Variants in LRRC8D observed in about 807,000 individuals in gnomAD.
LRRC8D encodes leucine rich repeat containing 8 VRAC subunit D, also known as volume-regulated anion channel subunit LRRC8D.
LRRC8D carries 20 observed loss-of-function variants against 55.8 expected under a neutral mutation model. The ratio of observed to expected loss-of-function variants is 0.36; its 90% CI spans 0.25 to 0.52. LRRC8D has a LOEUF of 0.52. Ranked by LOEUF, LRRC8D falls within the 20% of genes least tolerant of loss-of-function variation. The probability of loss-of-function intolerance (pLI) is 0.93; values close to 1 mark genes in which losing one functional copy is unlikely to be tolerated. For synonymous variants in LRRC8D, 352 were observed against 377.0 expected (o/e 0.93, Z 0.77); for missense variants, 651 against 1,030.8 (o/e 0.63, Z 5.05).
At chr1:89,924,647 GAC>G (rs1663509952) in intron 2 of LRRC8D, among the ~76,000 whole-genome samples, 2 of 152,064 alleles carry the variant, frequency 1.3e-5, no homozygotes, top group Non-Finnish European at 2.9e-5. Flanking sequence ...CAATAGCAAA[GAC>G]ATGTAATCAA....
At chr1:89,903,422 T>G (rs1362568197) in intron 2 of LRRC8D, among the ~76,000 whole-genome samples, 3 of 152,230 alleles carry the variant, frequency 2.0e-5, no homozygotes. Context: ...TTTTTTTGTT[T>G]ACCTAGTATG....
intron 2 of LRRC8D, among the ~76,000 whole-genome samples, chr1:89,873,964 C>A (rs1279463832): frequency 6.6e-6 from 1 of 152,118 alleles, no homozygotes; most frequent in Non-Finnish European, 1.5e-5. Flanking sequence ...GTTCATAGAT[C>A]TAAGCCAGAC....
chr1:89,873,450 G>T (rs1003322319), intron 2 of LRRC8D, among the ~76,000 whole-genome samples: 1 of 152,174 alleles, frequency 6.6e-6, no homozygotes, highest in Non-Finnish European at 1.5e-5. Context: ...CCAGCTGGAG[G>T]CAGCAAATGA....
chr1:89,872,401 G>A (rs1013494382), intron 2 of LRRC8D, among the ~76,000 whole-genome samples: 1 of 152,250 alleles, frequency 6.6e-6, no homozygotes, highest in African/African-American at 2.4e-5. Context: ...TTGGTTAGCT[G>A]TTGGTGCTTT....
intron 1 of LRRC8D, among the ~76,000 whole-genome samples, chr1:89,834,884 G>A (rs1410817609): frequency 6.6e-6 from 1 of 152,184 alleles, no homozygotes; most frequent in East Asian, 1.9e-4. Context: ...GAGGGATGGA[G>A]GAGGAAAGGA....
chr1:89,860,286 C>G lies in LRRC8D; in HGVS notation c.-3+16504C>G, dbSNP rs78606802. ...TTTCTGATCTCTCTCAGATCAATAGCATTTTAAACTAAATCTTTTATGCGA... is the reference window on the plus strand; with the variant it reads ...TTTCTGATCTCTCTCAGATCAATAGGATTTTAAACTAAATCTTTTATGCGA... On this transcript the variant is annotated intron_variant, in intron 2 of 2. Coordinates refer to ENST00000337338, the MANE Select transcript of LRRC8D (RefSeq NM_001134479.2). Among the ~76,000 whole-genome samples, 177 of 152,290 alleles carry G rather than the reference C, an allele frequency of 1.2e-3. No individual in the cohort carries two copies. In the East Asian group the frequency reaches 0.024, roughly 20 times the overall value.
At chr1:89,892,117 T>G (rs1052009544) in intron 2 of LRRC8D, among the ~76,000 whole-genome samples, 2 of 152,240 alleles carry the variant, frequency 1.3e-5, no homozygotes, top group African/African-American at 4.8e-5. Context: ...AATTGTTCTT[T>G]AGTGGTCAAG....
chr1:89,838,407 A>G (rs748531191), intron 1 of LRRC8D, among the ~76,000 whole-genome samples: 5 of 152,142 alleles, frequency 3.3e-5, no homozygotes, highest in Non-Finnish European at 5.9e-5. Flanking sequence ...AGATTGCCCA[A>G]AGAGAATTAA....
chr1:89,842,831 A>G (rs1177263504), intron 1 of LRRC8D, among the ~76,000 whole-genome samples: 1 of 152,242 alleles, frequency 6.6e-6, no homozygotes, highest in African/African-American at 2.4e-5. Context: ...ATTACATAGC[A>G]CAGAGAACTA....
intron 2 of LRRC8D, among the ~76,000 whole-genome samples, chr1:89,858,057 C>G (rs892275653): frequency 6.6e-6 from 1 of 151,990 alleles, no homozygotes; most frequent in African/African-American, 2.4e-5. Context: ...GGTGAAACCC[C>G]GTCTCTACTA....
At chr1:89,838,089 G>T (rs558693347) in intron 1 of LRRC8D, among the ~76,000 whole-genome samples, 3 of 152,100 alleles carry the variant, frequency 2.0e-5, no homozygotes, top group African/African-American at 7.2e-5. Flanking sequence ...GCCAGGCGTG[G>T]TGGCTCACGC....
chr1:89,877,323 T>C lies in LRRC8D; in HGVS notation c.-3+33541T>C, dbSNP rs1315087647. ...GCTTTTTGACCTTGGTCAAGTTACT[T>C]AGCTTCTCTCTGCCTCAATTTCCTC... is the stretch of plus-strand genomic sequence containing the variant. On this transcript the variant is annotated intron_variant, in intron 2 of 2. Coordinates refer to ENST00000337338, the MANE Select transcript of LRRC8D (RefSeq NM_001134479.2). 2.0e-5 allele frequency among the ~76,000 whole-genome samples: 3 copies of C among 152,308 alleles called. No individual in the cohort carries two copies. The East Asian group carries it at 5.8e-4, about 29-fold the overall frequency.
In LRRC8D at chr1:89,871,722, T is replaced by A. The variant is rs144925688; in HGVS notation, c.-3+27940T>A. Among the ~76,000 whole-genome samples, 5 of 152,368 alleles carry A rather than the reference T, an allele frequency of 3.3e-5. No homozygotes were observed. In the East Asian group the frequency reaches 9.6e-4, roughly 29 times the overall value. ...CTTCATTATAAAACTGTTCGGTGAT[T>A]TACAATTTGAAAATATTGGCAACCC... On this transcript the variant is annotated intron_variant, in intron 2 of 2. Coordinates refer to ENST00000337338, the MANE Select transcript of LRRC8D (RefSeq NM_001134479.2).
chr1:89,876,882 A>C (rs1209040767), intron 2 of LRRC8D, among the ~76,000 whole-genome samples: 1 of 152,238 alleles, frequency 6.6e-6, no homozygotes, highest in African/African-American at 2.4e-5. Flanking sequence ...AAGATTGAAA[A>C]GTTTCTATCT....
In LRRC8D at chr1:89,907,183, CTTTTTTTT is replaced by C. The variant is rs71584958; in HGVS notation, c.-2-25865_-2-25858del. Among the ~76,000 whole-genome samples the C allele has an allele frequency of 2.7e-4, 19 of 69,814 alleles. 1 individual carries two copies. Among genetic ancestry groups the C allele is most frequent in the Middle Eastern group, 0.023 (2 of 86 alleles). The allele number at this position is 69,814 out of a possible 152,430, so 45.8% of individuals were successfully genotyped here. ...TTGGGCTTCCTGTCTTCCACTGTGT[CTTTTTTTT>C]TTTTTTTTTTTTTTTTTTGATACTG... On this transcript the variant is annotated intron_variant, in intron 2 of 2. Coordinates refer to ENST00000337338, the MANE Select transcript of LRRC8D (RefSeq NM_001134479.2).
Position 89,935,846 on chromosome 1 carries a change from A to T in LRRC8D, c.*201A>T, listed in dbSNP as rs11662. 1.1e-3 allele frequency: 416 copies of T among 378,472 alleles called. 2 individuals carry two copies. The highest frequency in any genetic ancestry group is 7.0e-3 in the African/African-American group (327 of 46,910). The allele number at this position is 378,472 out of a possible 1,614,324, so 23.4% of individuals were successfully genotyped here. On this transcript the variant is annotated 3_prime_UTR_variant, in exon 3 of 3. Coordinates refer to ENST00000337338, the MANE Select transcript of LRRC8D (RefSeq NM_001134479.2). ...GTTTTAAGTCATTCATTTCCAAATC[A>T]TTTTTTTTTTTCTTTTGGGGAAAGG...
chr1:89,896,586 A>AATC (rs1462359904), intron 2 of LRRC8D, among the ~76,000 whole-genome samples: 1 of 152,128 alleles, frequency 6.6e-6, no homozygotes. Flanking sequence ...CTCCTGTGTG[A>AATC]AGATCAGGGT....
At position 89,843,735 on chromosome 1, in the gene LRRC8D, G is replaced by A. The variant is rs1182554119; in HGVS notation, c.-50G>A. On this transcript the variant is annotated 5_prime_UTR_variant, in exon 2 of 3. Transcript: ENST00000337338. ...CCAGCCTCCGGAGCTCGCCCAAGCC[G>A]CGTCCCCAGAGAGCGCCCTGAGAGA... The A allele has an allele frequency of 2.9e-6, 2 of 701,494 alleles. No individual in the cohort carries two copies. The highest frequency in any genetic ancestry group is 5.2e-6 in the Non-Finnish European group (2 of 384,432). 43.5% of individuals were successfully genotyped at this position (701,494 alleles called of 1,614,324 possible).
chr1:89,832,646 C>A (rs2100713215), intron 1 of LRRC8D, among the ~76,000 whole-genome samples: 1 of 152,248 alleles, frequency 6.6e-6, no homozygotes, highest in Non-Finnish European at 1.5e-5. Context: ...AAGAAAAATT[C>A]TTCAAATTCC....
Sources: gnomAD v4.1 joint callset for allele counts (sites outside exome capture counted in the v4.1 genomes callset) on GRCh38, gnomAD v4.1.1 for gene constraint, MANE v1.5 for transcripts, NCBI Gene and HGNC (gene_info 2026-07-23, HGNC 2026-07-21) for gene names.